The following DHTKD1 variants were observed in gnomAD, a reference collection of about 807,000 sequenced individuals.
The protein encoded by DHTKD1 is 2-oxoadipate dehydrogenase complex component E1.
Under a neutral mutation model 101.8 loss-of-function variants are expected in DHTKD1, and 78 were observed. The ratio of observed to expected loss-of-function variants is 0.77; its 90% CI spans 0.64 to 0.93. DHTKD1 has a LOEUF of 0.93. Ranked by LOEUF, DHTKD1 falls within the 40% of genes least tolerant of loss-of-function variation. The pLI, the probability that DHTKD1 is intolerant of heterozygous loss-of-function variation, is 0.00. For missense variants in DHTKD1, 1,223 were observed against 1,161.7 expected (o/e 1.05, Z -0.77); for synonymous variants, 462 against 450.3 (o/e 1.03, Z -0.33).
Position 12,069,120 on chromosome 10 carries a change from C to A in DHTKD1, c.87C>A (p.Gly29=). 3 of 1,607,626 alleles carry A rather than the reference C, an allele frequency of 1.9e-6. No homozygotes were observed. The highest frequency in any genetic ancestry group is 2.2e-5 in the East Asian group (1 of 44,638). The change falls in exon 1 of 17, where the codon GGC becomes GGA. Residue 29 remains glycine (G), a synonymous_variant. Transcript: ENST00000263035. ...LFWRGYQTER[G]VYGYRPRKPE... is the part of the protein sequence containing the mutation. ...GGCGTGGCTACCAGACCGAGCGGGG[C>A]GTTTACGGCTACCGGCCGAGGAAGC...
At chr10:12,076,903 G>A (rs1351725396) in intron 1 of DHTKD1, among the ~76,000 whole-genome samples, 1 of 140,536 alleles carries the variant, frequency 7.1e-6, no homozygotes, top group East Asian at 2.1e-4. Flanking sequence ...TGATCCTCCT[G>A]CCTCCGCCTC....
chr10:12,106,138 G>C, intron 10 of DHTKD1, 108 bp from the exon 11 acceptor site: 1 of 1,146,916 alleles, frequency 8.7e-7, no homozygotes, highest in Non-Finnish European at 1.3e-6. Context: ...GGTGATGAAC[G>C]AGAGCAAGGC....
rs1833314833 is a variant in DHTKD1 at position 12,110,538 on chromosome 10, A to G, written c.2155-2362A>G. On this transcript the variant is annotated intron_variant, in intron 12 of 16. Transcript: ENST00000263035. The surrounding 1 kb of genome is among the most constrained non-coding windows in gnomAD (Gnocchi z 4.9). The stretch of plus-strand genomic sequence containing the variant: ...TTTTAATTGACAAATGTACAATTGT[A>G]TATATGAATAGTATAAAATGTGATG... 6.6e-6 allele frequency among the ~76,000 whole-genome samples: 1 copy of G among 152,182 alleles called. No individual in the cohort carries two copies. The highest frequency in any genetic ancestry group is 2.4e-5 in the African/African-American group (1 of 41,456).
chr10:12,095,686 G>A (rs1833054947), intron 7 of DHTKD1, among the ~76,000 whole-genome samples: 2 of 150,794 alleles, frequency 1.3e-5, no homozygotes, highest in African/African-American at 2.4e-5. Flanking sequence ...GGTGGCGGGC[G>A]CCTGTAGTCC....
intron 1 of DHTKD1, among the ~76,000 whole-genome samples, chr10:12,078,443 C>CA (rs1388469437): frequency 6.0e-5 from 9 of 150,830 alleles, no homozygotes; most frequent in South Asian, 4.2e-4. Context: ...AAAACAAAAC[C>CA]AACAAAAACC....
chr10:12,080,766 G>A (rs1473895810), intron 1 of DHTKD1, among the ~76,000 whole-genome samples: 1 of 151,666 alleles, frequency 6.6e-6, no homozygotes, highest in Non-Finnish European at 1.5e-5. Context: ...GCTAACAATT[G>A]TCTCTGGGTT....
At position 12,089,275 on chromosome 10, in the gene DHTKD1, T is replaced by C. The variant is rs774186618; in HGVS notation, c.987+20T>C. The C allele has an allele frequency of 1.0e-4, 161 of 1,608,110 alleles. No individual in the cohort carries two copies. The Admixed American group carries it at 2.7e-3, about 27-fold the overall frequency. On this transcript the variant is annotated intron_variant, in intron 5 of 16. Coordinates refer to ENST00000263035, the MANE Select transcript of DHTKD1 (RefSeq NM_018706.7). Reference sequence around the variant, plus strand: ...TTACAGGTACTTGGAGCTTCTGAAATTGAGGCCAGAGGTGGGGAAAACTGG... The same window carrying C: ...TTACAGGTACTTGGAGCTTCTGAAACTGAGGCCAGAGGTGGGGAAAACTGG...
At chr10:12,101,019 T>G (rs370778283) in intron 9 of DHTKD1, 23 bp from the exon 10 acceptor site, 239 of 1,595,260 alleles carry the variant, frequency 1.5e-4, no homozygotes, top group Non-Finnish European at 1.9e-4. Context: ...GGAATCTGAC[T>G]TTTTTTTTCT....
chr10:12,097,258 T>C (rs1833084420), intron 7 of DHTKD1, among the ~76,000 whole-genome samples: 1 of 152,010 alleles, frequency 6.6e-6, no homozygotes, highest in African/African-American at 2.4e-5. Flanking sequence ...ATTTTATTTT[T>C]ATTTATTTTT....
intron 15 of DHTKD1, 49 bp from the exon 16 acceptor site, chr10:12,120,133 C>G: frequency 7.0e-7 from 1 of 1,424,610 alleles, no homozygotes; most frequent in South Asian, 1.2e-5. Context: ...AATTGGGGAC[C>G]GTCTGCATGT....
In DHTKD1 at chr10:12,122,556, TG is replaced by T. The variant is rs1196833211; in HGVS notation, c.*1669del. ...TCGCTTGAACCCAGGAGGTGGAGGTTGCAGTGAGCTGAGATCCTGCCACTGC... is the reference window on the plus strand; with the variant it reads ...TCGCTTGAACCCAGGAGGTGGAGGTTCAGTGAGCTGAGATCCTGCCACTGC... On this transcript the variant is annotated 3_prime_UTR_variant, in exon 17 of 17. Coordinates refer to ENST00000263035, the MANE Select transcript of DHTKD1 (RefSeq NM_018706.7). The T allele has an allele frequency of 6.6e-6, 1 of 151,958 alleles. No individual in the cohort carries two copies. Among genetic ancestry groups the T allele is most frequent in the Non-Finnish European group, 1.5e-5 (1 of 68,046 alleles). 9.4% of individuals were successfully genotyped at this position (151,958 alleles called of 1,614,324 possible).
chr10:12,069,225 G>T, intron 1 of DHTKD1, 38 bp downstream of exon 1: 1 of 1,506,892 alleles, frequency 6.6e-7, no homozygotes. Flanking sequence ...GCGGGGGCTG[G>T]GACGCAGAAG....
chr10:12,119,769 C>T (rs1372724024), intron 15 of DHTKD1, among the ~76,000 whole-genome samples: 2 of 152,040 alleles, frequency 1.3e-5, no homozygotes, highest in Non-Finnish European at 2.9e-5. Context: ...ACCTCCGTGG[C>T]ACACATTTAC....
Position 12,117,715 on chromosome 10 carries a change from T to C in DHTKD1, c.2362T>C (p.Phe788Leu), listed in dbSNP as rs1232269945. The C allele has an allele frequency of 5.6e-6, 9 of 1,607,980 alleles. No homozygotes were observed. Among genetic ancestry groups the C allele is most frequent in the African/African-American group, 1.3e-5 (1 of 74,816 alleles). The stretch of plus-strand genomic sequence containing the variant: ...TCAAGAAATGGCACCAGGAACAACA[T>C]TTAACCCGGTCATTGGTGATTCATC... ...TLQEMAPGTTFNPVIGDSSVD... is the reference protein window; with the variant it reads ...TLQEMAPGTTLNPVIGDSSVD... Residue 788 changes from phenylalanine to leucine, a missense_variant, in exon 14 of 17, where the codon TTT (phenylalanine) becomes CTT (leucine). Phe to Leu is a conservative substitution (Grantham distance 22). Coordinates refer to ENST00000263035, the MANE Select transcript of DHTKD1 (RefSeq NM_018706.7).
chr10:12,111,455 C>T (rs536643385), intron 12 of DHTKD1, among the ~76,000 whole-genome samples: 2 of 152,196 alleles, frequency 1.3e-5, no homozygotes, highest in African/African-American at 2.4e-5. Context: ...CATGGGCCAC[C>T]GCGCCAGGCC....
intron 6 of DHTKD1, 80 bp from the exon 7 acceptor site, chr10:12,093,993 A>G (rs1304973217): frequency 1.6e-6 from 2 of 1,242,220 alleles, no homozygotes; most frequent in East Asian, 4.7e-5. Flanking sequence ...CTGTCTTTTG[A>G]TGCAGGAAGT....
intron 8 of DHTKD1, 52 bp downstream of exon 8, chr10:12,098,048 G>A (rs1274559786): frequency 6.6e-7 from 1 of 1,511,534 alleles, no homozygotes; most frequent in Admixed American, 2.1e-5. Flanking sequence ...GCTCAGCAAA[G>A]GAGCTGACGT....
rs1412217697 is a variant in DHTKD1, at chr10:12,121,265, A to ACTCT, written c.*381_*384dup. Reference sequence around the variant, plus strand: ...CCATTAAAAGAGGCCTCCTTCCTCCACTCTCTCAACCCCTCTGTTGGGTAA... The same window carrying ACTCT: ...CCATTAAAAGAGGCCTCCTTCCTCCACTCTCTCTCTCAACCCCTCTGTTGGGTAA... On this transcript the variant is annotated 3_prime_UTR_variant, in exon 17 of 17. Coordinates refer to ENST00000263035, the MANE Select transcript of DHTKD1 (RefSeq NM_018706.7). 4.7e-6 allele frequency: 1 copy of ACTCT among 212,374 alleles called. No homozygotes were observed. The highest frequency in any genetic ancestry group is 2.3e-5 in the African/African-American group (1 of 42,982). 13.2% of individuals were successfully genotyped at this position (212,374 alleles called of 1,614,324 possible).
At chr10:12,111,045 C>G (rs868335980) in intron 12 of DHTKD1, among the ~76,000 whole-genome samples, 1 of 100,766 alleles carries the variant, frequency 9.9e-6, no homozygotes, top group Non-Finnish European at 1.9e-5. Context: ...GACCCTGTCT[C>G]AAAAAAAAAA....
Sources: gnomAD v4.1 joint callset for allele counts (sites outside exome capture counted in the v4.1 genomes callset) on GRCh38, gnomAD v4.1.1 for gene constraint, Gnocchi (gnomAD v3.1) non-coding constraint, MANE v1.5 for transcripts, NCBI Gene and HGNC (gene_info 2026-07-23, HGNC 2026-07-21) for gene names.